The following BTBD3 variants were observed in gnomAD, a reference collection of about 807,000 sequenced individuals.
The protein encoded by BTBD3 is BTB domain containing 3.
A neutral mutation model predicts 41.6 loss-of-function variants in BTBD3; 14 were observed. The observed-to-expected ratio is 0.34, with a 90% CI of 0.22 to 0.53. BTBD3 has a LOEUF of 0.53. Among genes scored for constraint, BTBD3 ranks in the 20% least tolerant of loss-of-function variants. The pLI, the probability that BTBD3 is intolerant of heterozygous loss-of-function variation, is 0.95. For missense variants in BTBD3, 426 were observed against 654.7 expected (o/e 0.65, Z 3.81); for synonymous variants, 249 against 233.7 (o/e 1.07, Z -0.60).
rs1363428931 is a variant in BTBD3, at chr20:11,926,288, T to A, written c.*2622T>A. On this transcript the variant is annotated 3_prime_UTR_variant, in exon 4 of 4. Transcript: ENST00000378226. ...CTAGGCTAGCAGTTCTAATGTGACA[T>A]TCTTTAAGCATATCTTAAAATAGTA... The A allele has an allele frequency of 6.6e-6, 1 of 152,644 alleles. No homozygotes were observed. Among genetic ancestry groups the A allele is most frequent in the Non-Finnish European group, 1.5e-5 (1 of 68,038 alleles). 9.5% of individuals were successfully genotyped at this position (152,644 alleles called of 1,614,324 possible).
intron 3 of BTBD3, among the ~76,000 whole-genome samples, chr20:11,920,561 T>A (rs1378343938): frequency 1.3e-5 from 2 of 152,324 alleles, no homozygotes; most frequent in East Asian, 3.9e-4. Flanking sequence ...CAGGCACCAG[T>A]ATGTGTTAAA....
upstream of BTBD3, among the ~76,000 whole-genome samples, chr20:11,915,855 CAT>C (rs2056914747): frequency 6.6e-6 from 1 of 152,146 alleles, no homozygotes; most frequent in Admixed American, 6.6e-5. Flanking sequence ...TTTTAGAAAA[CAT>C]GTTCTACAAT....
intron 1 of BTBD3, among the ~76,000 whole-genome samples, chr20:11,895,054 C>T (rs901635126): frequency 2.6e-5 from 4 of 152,068 alleles, no homozygotes; most frequent in African/African-American, 7.2e-5. Flanking sequence ...GCTGCCTCCT[C>T]TTCCTTTTCC....
At chr20:11,896,757 A>G (rs1338525452) in intron 1 of BTBD3, among the ~76,000 whole-genome samples, 1 of 152,206 alleles carries the variant, frequency 6.6e-6, no homozygotes, top group Non-Finnish European at 1.5e-5. Context: ...TGAAGAGTCT[A>G]CTGATTTGAG....
chr20:11,910,179 T>C (rs2122242305), intron 1 of BTBD3: 1 of 152,226 alleles, frequency 6.6e-6, no homozygotes, highest in Non-Finnish European at 1.5e-5. Context: ...TGGACTTTGA[T>C]GATCTGATGG....
intron 1 of BTBD3, among the ~76,000 whole-genome samples, chr20:11,894,770 A>G (rs528147277): frequency 6.6e-6 from 1 of 151,990 alleles, no homozygotes; most frequent in South Asian, 2.1e-4. Context: ...GTATTTGTTC[A>G]TGCTTGGAAA....
rs1194833510 is a variant in BTBD3 at position 11,924,917 on chromosome 20, A to G, written c.*1251A>G. On this transcript the variant is annotated 3_prime_UTR_variant, in exon 4 of 4. Transcript: ENST00000378226. ...TATTCACTGCATCAGTATCACATCTAGCTCCCTTACTTGTCCACAGATAAT... is the reference window on the plus strand; with the variant it reads ...TATTCACTGCATCAGTATCACATCTGGCTCCCTTACTTGTCCACAGATAAT... 6.6e-6 allele frequency: 1 copy of G among 152,650 alleles called. No individual in the cohort carries two copies. Among genetic ancestry groups the G allele is most frequent in the African/African-American group, 2.4e-5 (1 of 41,464 alleles). 9.5% of individuals were successfully genotyped at this position (152,650 alleles called of 1,614,324 possible). A position where few individuals can be genotyped will look rare whatever the true frequency, so the allele number is the denominator to read the frequency against.
At position 11,925,686 on chromosome 20, in the gene BTBD3, T is replaced by G. The variant is rs1406884162; in HGVS notation, c.*2020T>G. ...ACATTTCAGTAACTCATAGCTGCTG[T>G]GCAAATTGGTAGACCTTATAAGAAG... On this transcript the variant is annotated 3_prime_UTR_variant, in exon 4 of 4. Transcript: ENST00000378226. The G allele has an allele frequency of 1.3e-5, 2 of 152,630 alleles. No homozygotes were observed. Among genetic ancestry groups the G allele is most frequent in the Non-Finnish European group, 2.9e-5 (2 of 68,046 alleles). 9.5% of individuals were successfully genotyped at this position (152,630 alleles called of 1,614,324 possible).
intron 1 of BTBD3, among the ~76,000 whole-genome samples, chr20:11,897,076 C>A (rs1186933191): frequency 6.6e-6 from 1 of 152,116 alleles, no homozygotes; most frequent in African/African-American, 2.4e-5. Flanking sequence ...ATACCGCTGG[C>A]CTTCTGGTTT....
At chr20:11,921,099 C>T (rs2056966691) in intron 3 of BTBD3, among the ~76,000 whole-genome samples, 4 of 152,206 alleles carry the variant, frequency 2.6e-5, no homozygotes, top group Admixed American at 2.6e-4. Flanking sequence ...TGCATGAAGT[C>T]AGCTTTGTAT....
chr20:11,897,750 TC>T (rs2056796518), intron 1 of BTBD3, among the ~76,000 whole-genome samples: 1 of 152,232 alleles, frequency 6.6e-6, no homozygotes, highest in African/African-American at 2.4e-5. Flanking sequence ...TGATTTTCCA[TC>T]TGCTTAACAT....
chr20:11,908,626 TAAA>T (rs1010488980), intron 1 of BTBD3, among the ~76,000 whole-genome samples: 1 of 151,950 alleles, frequency 6.6e-6, no homozygotes. Context: ...AGCTCTTAAT[TAAA>T]AAAATAATTA....
upstream of BTBD3, among the ~76,000 whole-genome samples, chr20:11,917,444 C>G (rs1310808881): frequency 6.6e-6 from 1 of 152,174 alleles, no homozygotes; most frequent in East Asian, 1.9e-4. Context: ...AGAAAAATAA[C>G]GTCCTTTGCC....
chr20:11,892,456 G>A (rs1600223272), intron 1 of BTBD3: 1 of 151,782 alleles, frequency 6.6e-6, no homozygotes, highest in East Asian at 1.9e-4. Flanking sequence ...GAAGTGGGCG[G>A]GTCCTCTTAC....
At chr20:11,908,320 G>GTTTTTTT (rs2056868506) in intron 1 of BTBD3, among the ~76,000 whole-genome samples, 2 of 22,826 alleles carry the variant, frequency 8.8e-5, no homozygotes, top group Admixed American at 4.0e-4. Flanking sequence ...GCTTCTCTGT[G>GTTTTTTT]GTTTTTTTTT....
intron 1 of BTBD3, among the ~76,000 whole-genome samples, chr20:11,894,387 T>G (rs2056774011): frequency 6.6e-6 from 1 of 152,236 alleles, no homozygotes; most frequent in African/African-American, 2.4e-5. Context: ...TAACATTCCC[T>G]TACAGAGTGT....
chr20:11,908,984 A>C (rs1027322484), intron 1 of BTBD3, among the ~76,000 whole-genome samples: 5 of 152,186 alleles, frequency 3.3e-5, no homozygotes, highest in Non-Finnish European at 7.3e-5. Flanking sequence ...GCGGTGGCTC[A>C]TGCCTGTAAT....
intron 1 of BTBD3, among the ~76,000 whole-genome samples, chr20:11,909,021 G>C (rs1197493736): frequency 6.6e-6 from 1 of 152,108 alleles, no homozygotes; most frequent in Non-Finnish European, 1.5e-5. Flanking sequence ...GCCTAGGCGG[G>C]TGGATCACAT....
At chr20:11,921,730 G>C (rs2056971404) in intron 3 of BTBD3, 5 of 152,200 alleles carry the variant, frequency 3.3e-5, no homozygotes, top group Admixed American at 6.6e-5. Flanking sequence ...TCTTATAGAA[G>C]CTGTTGCTAA....
Sources: gnomAD v4.1 joint callset for allele counts (sites outside exome capture counted in the v4.1 genomes callset) on GRCh38, gnomAD v4.1.1 for gene constraint, MANE v1.5 for transcripts, NCBI Gene and HGNC (gene_info 2026-07-23, HGNC 2026-07-21) for gene names.